The following IL15RA variants were observed in gnomAD, a reference collection of about 807,000 sequenced individuals.
The protein encoded by IL15RA is interleukin-15 receptor subunit alpha.
A neutral mutation model predicts 24.2 loss-of-function variants in IL15RA; 26 were observed. The observed-to-expected ratio is 1.07, with a 90% CI of 0.79 to 1.49. The LOEUF (loss-of-function observed/expected upper bound fraction) is 1.49. Among genes scored for constraint, IL15RA ranks in the 40% most tolerant of loss-of-function variants. The probability of loss-of-function intolerance (pLI) is 0.00; values close to 1 mark genes in which losing one functional copy is unlikely to be tolerated. For synonymous variants in IL15RA, 166 were observed against 157.6 expected (o/e 1.05, Z -0.40); for missense variants, 354 against 356.4 (o/e 0.99, Z 0.05).
chr10:5,972,040 A>G (rs1170190927), intron 1 of IL15RA, among the ~76,000 whole-genome samples: 1 of 152,184 alleles, frequency 6.6e-6, no homozygotes, highest in African/African-American at 2.4e-5. Context: ...TCCTGCATTG[A>G]CACCGCCTGT....
chr10:5,970,801 C>T lies in IL15RA; in HGVS notation c.89-4462G>A, dbSNP rs73618376. ...TTTGAGACAGGGTCTAGCTCTGTCA[C>T]CCAGGCTAGAGCACAATGGCATGAT... On this transcript the variant is annotated intron_variant, in intron 1 of 6. Transcript: ENST00000379977. This position sits in a 1 kb window ranked among gnomAD's most constrained non-coding sequence, Gnocchi z 4.1. Among the ~76,000 whole-genome samples the T allele has an allele frequency of 2.8e-3, 423 of 150,042 alleles. 4 individuals are homozygous for T. The highest frequency in any genetic ancestry group is 0.01 in the African/African-American group (406 of 40,198).
In IL15RA at chr10:5,968,889, C is replaced by T; in HGVS notation, c.89-2550G>A. 1 of 1,344,342 alleles carries T rather than the reference C, an allele frequency of 7.4e-7. No homozygotes were observed. Among genetic ancestry groups the T allele is most frequent in the Non-Finnish European group, 1.0e-6 (1 of 972,214 alleles). 83.3% of individuals were successfully genotyped at this position (1,344,342 alleles called of 1,614,324 possible). A position where few individuals can be genotyped will look rare whatever the true frequency, so the allele number is the denominator to read the frequency against. ...CTCATGGTTGAAGCTTTCAGATATT[C>T]TGCTCCTTCCCGCCAGGACAGCCAG... On this transcript the variant is annotated intron_variant, in intron 1 of 6. Transcript: ENST00000379977. The surrounding 1 kb of genome is among the most constrained non-coding windows in gnomAD (Gnocchi z 5.4).
At position 5,962,609 on chromosome 10, in the gene IL15RA, AG is replaced by A. The variant is rs1835784234; in HGVS notation, c.382+1133del. 6.7e-6 allele frequency among the ~76,000 whole-genome samples: 1 copy of A among 150,374 alleles called. No individual in the cohort carries two copies. The highest frequency in any genetic ancestry group is 1.5e-5 in the Non-Finnish European group (1 of 67,670). ...CCCATCTCAAAAAAAAAAAAAAAAA[AG>A]ATCCACCTGGGGCTGGAGAGGCGTG... On this transcript the variant is annotated intron_variant, in intron 3 of 6. Coordinates refer to ENST00000379977, the MANE Select transcript of IL15RA (RefSeq NM_002189.4). This position sits in a 1 kb window ranked among gnomAD's most constrained non-coding sequence, Gnocchi z 5.2.
Position 5,963,909 on chromosome 10 carries a change from G to T in IL15RA, c.284-68C>A. 1 of 973,094 alleles carries T rather than the reference G, an allele frequency of 1.0e-6. No individual in the cohort carries two copies. The highest frequency in any genetic ancestry group is 1.5e-6 in the Non-Finnish European group (1 of 661,486). The allele number at this position is 973,094 out of a possible 1,614,324, so 60.3% of individuals were successfully genotyped here. ...GGAACCTGGGCTGGCTTCAGAACGG[G>T]ATACAAATAAAATATATCAACACAT... On this transcript the variant is annotated intron_variant, in intron 2 of 6. Transcript: ENST00000379977. This position sits in a 1 kb window ranked among gnomAD's most constrained non-coding sequence, Gnocchi z 5.3.
rs1340843200 is a variant in IL15RA at position 5,953,557 on chromosome 10, C to T, written c.693-351G>A. The stretch of plus-strand genomic sequence containing the variant: ...ATCCTCTCCAGGTATTTCCAACCTC[C>T]CCATCCACCAAAGACTCACCAAGTG... On this transcript the variant is annotated intron_variant, in intron 6 of 6. Transcript: ENST00000379977. The surrounding 1 kb of genome is among the most constrained non-coding windows in gnomAD (Gnocchi z 5.3). Among the ~76,000 whole-genome samples the T allele has an allele frequency of 6.6e-6, 1 of 152,084 alleles. No homozygotes were observed. The highest frequency in any genetic ancestry group is 2.4e-5 in the African/African-American group (1 of 41,380).
rs1269316082 is a variant in IL15RA at position 5,965,141 on chromosome 10, G to A, written c.283+1004C>T. 6.6e-6 allele frequency among the ~76,000 whole-genome samples: 1 copy of A among 152,182 alleles called. No homozygotes were observed. The highest frequency in any genetic ancestry group is 2.4e-5 in the African/African-American group (1 of 41,438). On this transcript the variant is annotated intron_variant, in intron 2 of 6. Coordinates refer to ENST00000379977, the MANE Select transcript of IL15RA (RefSeq NM_002189.4). The surrounding 1 kb of genome is among the most constrained non-coding windows in gnomAD (Gnocchi z 5.8). ...GAAGGAGAGAAGCCTGCAGAGGTGGGCCTGAGTGTTCCAGAAACAGCTCCA... is the reference window on the plus strand; with the variant it reads ...GAAGGAGAGAAGCCTGCAGAGGTGGACCTGAGTGTTCCAGAAACAGCTCCA...
At chr10:5,950,211 G>T (rs1344576041), downstream of IL15RA, among the ~76,000 whole-genome samples, 1 of 152,120 alleles carries the variant, frequency 6.6e-6, no homozygotes, top group African/African-American at 2.4e-5. This position sits in a 1 kb window ranked among gnomAD's most constrained non-coding sequence, Gnocchi z 5.6. Flanking sequence ...AAGAGGAGGA[G>T]ATGTGAATCA....
rs1337543012 is a variant in IL15RA at position 5,968,947 on chromosome 10, A to G, written c.89-2608T>C. ...CTTGCATCTGTAACAGGTTTTGTAC[A>G]GGAAGTGTTCCCTGCCCATTTCCAG... is the stretch of plus-strand genomic sequence containing the variant. On this transcript the variant is annotated intron_variant, in intron 1 of 6. Coordinates refer to ENST00000379977, the MANE Select transcript of IL15RA (RefSeq NM_002189.4). This position sits in a 1 kb window ranked among gnomAD's most constrained non-coding sequence, Gnocchi z 5.4. 2.0e-6 allele frequency: 3 copies of G among 1,534,332 alleles called. No individual in the cohort carries two copies. The highest frequency in any genetic ancestry group is 2.6e-6 in the Non-Finnish European group (3 of 1,145,836).
Position 5,969,062 on chromosome 10 carries a change from C to T in IL15RA, c.89-2723G>A, listed in dbSNP as rs865834249. 1.9e-5 allele frequency: 22 copies of T among 1,166,152 alleles called. No individual in the cohort carries two copies. In the South Asian group the frequency reaches 1.9e-4, roughly 10 times the overall value. 72.2% of individuals were successfully genotyped at this position (1,166,152 alleles called of 1,614,324 possible). On this transcript the variant is annotated intron_variant, in intron 1 of 6. Transcript: ENST00000379977. ...TTTCTGGCTGACTCACCAATCGATTCCATCGATCTATGTGTCTGTTTGTTT... is the reference window on the plus strand; with the variant it reads ...TTTCTGGCTGACTCACCAATCGATTTCATCGATCTATGTGTCTGTTTGTTT...
At position 5,961,616 on chromosome 10, in the gene IL15RA, T is replaced by C. The variant is rs1387071108; in HGVS notation, c.383-1049A>G. Among the ~76,000 whole-genome samples, 1 of 152,238 alleles carries C rather than the reference T, an allele frequency of 6.6e-6. No homozygotes were observed. Among genetic ancestry groups the C allele is most frequent in the African/African-American group, 2.4e-5 (1 of 41,470 alleles). On this transcript the variant is annotated intron_variant, in intron 3 of 6. Transcript: ENST00000379977. This position sits in a 1 kb window ranked among gnomAD's most constrained non-coding sequence, Gnocchi z 5.2. ...CGGGCTGTGTGGGAGGAAAGCGTCCTGATGAGCTTGCTCTCAGGAACAGAG... is the reference window on the plus strand; with the variant it reads ...CGGGCTGTGTGGGAGGAAAGCGTCCCGATGAGCTTGCTCTCAGGAACAGAG...
chr10:5,968,028 G>A lies in IL15RA; in HGVS notation c.89-1689C>T, dbSNP rs1030777912. On this transcript the variant is annotated intron_variant, in intron 1 of 6. Coordinates refer to ENST00000379977, the MANE Select transcript of IL15RA (RefSeq NM_002189.4). The surrounding 1 kb of genome is among the most constrained non-coding windows in gnomAD (Gnocchi z 5.4). ...GAGCCAAGATTGTGCCACTGCACTC[G>A]AGCCTGGGTGACAGAGCAAGAATCT... Among the ~76,000 whole-genome samples, 1 of 152,050 alleles carries A rather than the reference G, an allele frequency of 6.6e-6. No individual in the cohort carries two copies.
In IL15RA at chr10:5,953,342, G is replaced by T. The variant is rs752579765; in HGVS notation, c.693-136C>A. The T allele has an allele frequency of 2.7e-6, 2 of 729,380 alleles. No individual in the cohort carries two copies. The highest frequency in any genetic ancestry group is 3.5e-5 in the African/African-American group (2 of 57,502). 45.2% of individuals were successfully genotyped at this position (729,380 alleles called of 1,614,324 possible). A position where few individuals can be genotyped will look rare whatever the true frequency, so the allele number is the denominator to read the frequency against. ...GACAGAGGCCCTGCCACGGGAGTCA[G>T]ACAGAGAGCACTTAGTCCTCAGAGA... On this transcript the variant is annotated intron_variant, in intron 6 of 6. Coordinates refer to ENST00000379977, the MANE Select transcript of IL15RA (RefSeq NM_002189.4). This position sits in a 1 kb window ranked among gnomAD's most constrained non-coding sequence, Gnocchi z 5.3.
rs1200572153 is a variant in IL15RA at position 5,975,518 on chromosome 10, A to T, written c.88+1887T>A. Among the ~76,000 whole-genome samples the T allele has an allele frequency of 6.6e-6, 1 of 151,488 alleles. No homozygotes were observed. Among genetic ancestry groups the T allele is most frequent in the Non-Finnish European group, 1.5e-5 (1 of 67,952 alleles). ...TGAGTATGTATGCATTTACCTCCAA[A>T]CTTATCAAAGTGTGCAACTTCAATA... On this transcript the variant is annotated intron_variant, in intron 1 of 6. Transcript: ENST00000379977. The surrounding 1 kb of genome is among the most constrained non-coding windows in gnomAD (Gnocchi z 4.8).
chr10:5,952,878 C>A lies in IL15RA; in HGVS notation c.*217G>T, dbSNP rs8177788. 2 of 601,018 alleles carry A rather than the reference C, an allele frequency of 3.3e-6. No individual in the cohort carries two copies. Among genetic ancestry groups the A allele is most frequent in the African/African-American group, 3.7e-5 (2 of 53,836 alleles). The allele number at this position is 601,018 out of a possible 1,614,324, so 37.2% of individuals were successfully genotyped here. ...GAAGCTGGGCCCTGGGTCCAAGGCA[C>A]GACAGGCAGGCAGGTGGTGCCCATG... is the stretch of plus-strand genomic sequence containing the variant. On this transcript the variant is annotated 3_prime_UTR_variant, in exon 7 of 7. Coordinates refer to ENST00000379977, the MANE Select transcript of IL15RA (RefSeq NM_002189.4).
At chr10:5,969,912 A>G (rs1265829445) in intron 1 of IL15RA, among the ~76,000 whole-genome samples, 1 of 152,066 alleles carries the variant, frequency 6.6e-6, no homozygotes, top group Non-Finnish European at 1.5e-5. Flanking sequence ...ATCCCTAAGT[A>G]TTTCATATTT....
chr10:5,952,911 G>A lies in IL15RA; in HGVS notation c.*184C>T, dbSNP rs1172356869. 6 of 614,516 alleles carry A rather than the reference G, an allele frequency of 9.8e-6. No homozygotes were observed. The highest frequency in any genetic ancestry group is 2.9e-5 in the Admixed American group (1 of 34,106). The allele number at this position is 614,516 out of a possible 1,614,324, so 38.1% of individuals were successfully genotyped here. ...AGGCAGGTGGTGCCCATGGGAATGC[G>A]GAGAACCTGCTCCCTCGCGCAGGAG... On this transcript the variant is annotated 3_prime_UTR_variant, in exon 7 of 7. Coordinates refer to ENST00000379977, the MANE Select transcript of IL15RA (RefSeq NM_002189.4).
chr10:5,956,441 C>T lies in IL15RA; in HGVS notation c.630G>A (p.Thr210=), dbSNP rs376266317. 264 of 1,613,734 alleles carry T rather than the reference C, an allele frequency of 1.6e-4. 3 individuals carry two copies. The highest frequency in any genetic ancestry group is 2.1e-4 in the African/African-American group (16 of 75,022). The change falls in exon 6 of 7, where the codon ACG becomes ACA. Residue 210 remains threonine (T), a synonymous_variant. Transcript: ENST00000379977. ...GHSDTTVAIS[T]STVLLCGLSA... is the part of the protein sequence containing the mutation. ...TCAGCCCACACAGCAGGACAGTGGA[C>T]GTGGAGATAGCCACTGAAAGGGAGG...
In IL15RA at chr10:5,955,529, T is replaced by G. The variant is rs1357501281; in HGVS notation, c.692+850A>C. Among the ~76,000 whole-genome samples, 1 of 152,222 alleles carries G rather than the reference T, an allele frequency of 6.6e-6. No individual in the cohort carries two copies. The highest frequency in any genetic ancestry group is 1.5e-5 in the Non-Finnish European group (1 of 68,036). On this transcript the variant is annotated intron_variant, in intron 6 of 6. Coordinates refer to ENST00000379977, the MANE Select transcript of IL15RA (RefSeq NM_002189.4). The surrounding 1 kb of genome is among the most constrained non-coding windows in gnomAD (Gnocchi z 5.3). ...TATGGAATGCTGGAATACTGGTTAC[T>G]AATTGATAGAAGTACAAAATGAAGG...
At position 5,963,754 on chromosome 10, in the gene IL15RA, G is replaced by T. The variant is rs2132466842; in HGVS notation, c.371C>A (p.Pro124His). 4 of 1,517,060 alleles carry T rather than the reference G, an allele frequency of 2.6e-6. No homozygotes were observed. In the South Asian group the frequency reaches 4.0e-5, roughly 15 times the overall value. 94.0% of individuals were successfully genotyped at this position (1,517,060 alleles called of 1,614,324 possible). A position where few individuals can be genotyped will look rare whatever the true frequency, so the allele number is the denominator to read the frequency against. ...GVTPQPESLS[P>H]SGKEPAASSP... The stretch of plus-strand genomic sequence containing the variant: ...TCTGACCTTCCTACCTTTTCCAGAA[G>T]GGGAGAGGCTCTCTGGCTGTGGGGT... Residue 124 changes from proline to histidine, a missense_variant, in exon 3 of 7, where the codon CCT becomes CAT. Pro to His is a moderately conservative substitution (Grantham distance 77, BLOSUM62 -2). Coordinates refer to ENST00000379977, the MANE Select transcript of IL15RA (RefSeq NM_002189.4). The surrounding 1 kb of genome is among the most constrained non-coding windows in gnomAD (Gnocchi z 5.3).
Sources: allele counts gnomAD v4.1 joint callset (sites outside exome capture counted in the v4.1 genomes callset), GRCh38; gene constraint gnomAD v4.1.1; non-coding constraint Gnocchi (gnomAD v3.1); transcripts MANE v1.5; gene names NCBI Gene and HGNC (gene_info 2026-07-23, HGNC 2026-07-21).